The following SIPA1L1 variants were observed in gnomAD, a reference collection of about 807,000 sequenced individuals.
SIPA1L1 encodes signal-induced proliferation-associated 1-like protein 1.
Under a neutral mutation model 162.7 loss-of-function variants are expected in SIPA1L1, and 26 were observed. The observed-to-expected ratio is 0.16, with a 90% CI of 0.12 to 0.22. The LOEUF (loss-of-function observed/expected upper bound fraction) is 0.22. Ranked by LOEUF, SIPA1L1 falls within the 10% of genes least tolerant of loss-of-function variation. The pLI is 1.00. For missense variants in SIPA1L1, 1,874 were observed against 2,241.0 expected (o/e 0.84, Z 3.31); for synonymous variants, 829 against 837.4 (o/e 0.99, Z 0.17).
At chr14:71,370,598 G>C (rs2038795013) in intron 2 of SIPA1L1, among the ~76,000 whole-genome samples, 1 of 152,074 alleles carries the variant, frequency 6.6e-6, no homozygotes, top group Admixed American at 6.5e-5. Context: ...TATTTTTGGT[G>C]GCTACTAAGA....
At chr14:71,393,961 A>G (rs770316192) in intron 2 of SIPA1L1, among the ~76,000 whole-genome samples, 14 of 152,356 alleles carry the variant, frequency 9.2e-5, no homozygotes, top group Admixed American at 5.9e-4. Flanking sequence ...TCACTTGTTA[A>G]CAAGCAATGA....
intron 4 of SIPA1L1, among the ~76,000 whole-genome samples, chr14:71,568,485 G>A (rs2031244427): frequency 6.6e-6 from 1 of 152,060 alleles, no homozygotes; most frequent in South Asian, 2.1e-4. Flanking sequence ...GTGTTGCACT[G>A]TTTCCTCTGG....
intron 2 of SIPA1L1, among the ~76,000 whole-genome samples, chr14:71,474,593 T>C (rs979623720): frequency 6.6e-6 from 1 of 152,210 alleles, no homozygotes; most frequent in African/African-American, 2.4e-5. Flanking sequence ...AATTATTTAG[T>C]TGTGAGGGAT....
chr14:71,331,793 A>G (rs2034573966), intron 2 of SIPA1L1, among the ~76,000 whole-genome samples: 1 of 152,200 alleles, frequency 6.6e-6, no homozygotes, highest in African/African-American at 2.4e-5. Context: ...GCCCCATATG[A>G]AGGTAGAATA....
intron 4 of SIPA1L1, among the ~76,000 whole-genome samples, chr14:71,544,672 C>G (rs1262897967): frequency 1.3e-5 from 2 of 151,942 alleles, no homozygotes; most frequent in African/African-American, 4.8e-5. Flanking sequence ...TTTACTTGCA[C>G]TGTTTTCCTG....
chr14:71,723,086 C>T (rs1208499130), intron 17 of SIPA1L1, among the ~76,000 whole-genome samples: 2 of 152,204 alleles, frequency 1.3e-5, no homozygotes, highest in African/African-American at 2.4e-5. Context: ...AATCTTTAAC[C>T]GATGTTTGAA....
intron 2 of SIPA1L1, among the ~76,000 whole-genome samples, chr14:71,492,718 A>G (rs532872075): frequency 6.6e-6 from 1 of 151,898 alleles, no homozygotes; most frequent in African/African-American, 2.4e-5. Flanking sequence ...TCAATCTCCC[A>G]GGCTCAAGCG....
chr14:71,582,030 G>T (rs909985861), intron 4 of SIPA1L1, among the ~76,000 whole-genome samples: 1 of 152,196 alleles, frequency 6.6e-6, no homozygotes, highest in Middle Eastern at 3.4e-3. Flanking sequence ...GCCAGCTGTT[G>T]CATCAATTTA....
intron 4 of SIPA1L1, among the ~76,000 whole-genome samples, chr14:71,533,779 T>C (rs910185801): frequency 6.6e-6 from 1 of 152,222 alleles, no homozygotes; most frequent in Non-Finnish European, 1.5e-5. Context: ...CTGAGTTAAA[T>C]TGAAAGACTT....
At chr14:71,452,014 GACTT>G (rs1384788903) in intron 2 of SIPA1L1, among the ~76,000 whole-genome samples, 2 of 152,088 alleles carry the variant, frequency 1.3e-5, no homozygotes, top group Non-Finnish European at 2.9e-5. Context: ...TAAATACCTT[GACTT>G]ACTTGCTTAT....
intron 7 of SIPA1L1, 134 bp downstream of exon 7, chr14:71,624,370 T>TA (rs1246896373): frequency 1.4e-6 from 1 of 730,850 alleles, no homozygotes; most frequent in Non-Finnish European, 2.1e-6. Context: ...TCTTTGCAAT[T>TA]ACTCATTTTG....
chr14:71,683,178 C>T lies in SIPA1L1; in HGVS notation c.3105-2184C>T, dbSNP rs543158334. Among the ~76,000 whole-genome samples the T allele has an allele frequency of 3.3e-5, 5 of 152,176 alleles. No homozygotes were observed. The South Asian group carries it at 1.0e-3, about 32-fold the overall frequency. Reference sequence around the variant, plus strand: ...CAAAAAGAAAGAGAAAGTAGTTGTACAGTATTAAAATAGAAGCTTAGCTAG... The same window carrying T: ...CAAAAAGAAAGAGAAAGTAGTTGTATAGTATTAAAATAGAAGCTTAGCTAG... On this transcript the variant is annotated intron_variant, in intron 12 of 23. Coordinates refer to ENST00000381232, the MANE Select transcript of SIPA1L1 (RefSeq NM_001386936.1).
intron 4 of SIPA1L1, among the ~76,000 whole-genome samples, chr14:71,539,481 C>T (rs2054192619): frequency 6.6e-6 from 1 of 152,108 alleles, no homozygotes. Flanking sequence ...AAATGAGTTG[C>T]TGGTATTTCA....
chr14:71,503,639 C>T (rs777676351), intron 2 of SIPA1L1, among the ~76,000 whole-genome samples: 1 of 151,816 alleles, frequency 6.6e-6, no homozygotes, highest in Non-Finnish European at 1.5e-5. Flanking sequence ...ATTAAAACAC[C>T]AAAAAAATCG....
intron 4 of SIPA1L1, chr14:71,573,707 CA>C (rs1451391020): frequency 2.2e-6 from 1 of 456,570 alleles, no homozygotes. Context: ...GCTTACCTGC[CA>C]ATGGTTTTTT....
In SIPA1L1 at chr14:71,512,457, C is replaced by T. The variant is rs533595437; in HGVS notation, c.-464-286C>T. On this transcript the variant is annotated intron_variant, in intron 2 of 23. Coordinates refer to ENST00000381232, the MANE Select transcript of SIPA1L1 (RefSeq NM_001386936.1). ...CAAAAATTAGCTGGGCATGGTGCCA[C>T]GTGCCTATAGTCCCAGCTACTCGAG... 1.3e-4 allele frequency among the ~76,000 whole-genome samples: 20 copies of T among 151,776 alleles called. No homozygotes were observed. The East Asian group carries it at 2.3e-3, about 18-fold the overall frequency.
At chr14:71,596,568 C>G (rs2036056092) in intron 5 of SIPA1L1, among the ~76,000 whole-genome samples, 1 of 152,154 alleles carries the variant, frequency 6.6e-6, no homozygotes, top group South Asian at 2.1e-4. Flanking sequence ...CATTTATTCA[C>G]TCATTTGTCC....
intron 2 of SIPA1L1, among the ~76,000 whole-genome samples, chr14:71,482,907 T>C (rs2048459742): frequency 6.6e-6 from 1 of 152,360 alleles, no homozygotes; most frequent in Middle Eastern, 3.4e-3. Flanking sequence ...TGTTCATGTT[T>C]ATACACATTT....
At chr14:71,565,601 AT>A (rs1272203422) in intron 4 of SIPA1L1, among the ~76,000 whole-genome samples, 1 of 152,362 alleles carries the variant, frequency 6.6e-6, no homozygotes, top group Non-Finnish European at 1.5e-5. Context: ...GTGGTGGATT[AT>A]ATGCAATAGT....
Sources: allele counts gnomAD v4.1 joint callset (sites outside exome capture counted in the v4.1 genomes callset), GRCh38; gene constraint gnomAD v4.1.1; transcripts MANE v1.5; gene names NCBI Gene and HGNC (gene_info 2026-07-23, HGNC 2026-07-21).